FHIT: variants seen among roughly 807,000 people sequenced by gnomAD.
FHIT encodes fragile histidine triad diadenosine triphosphatase, also known as bis(5'-adenosyl)-triphosphatase.
FHIT carries 19 observed loss-of-function variants against 17.9 expected under a neutral mutation model. The ratio of observed to expected loss-of-function variants is 1.06; its 90% confidence interval spans 0.74 to 1.56. FHIT has a LOEUF of 1.56. Ranked by LOEUF, FHIT falls within the 40% of genes most tolerant of loss-of-function variation. FHIT has a pLI of 0.00. For synonymous variants in FHIT, 81 were observed against 69.7 expected (o/e 1.16, Z -0.81); for missense variants, 248 against 189.2 (o/e 1.31, Z -1.82).
chr3:60,724,289 A>C (rs1319383258), intron 4 of FHIT, among the ~76,000 whole-genome samples: 1 of 152,254 alleles, frequency 6.6e-6, no homozygotes, highest in Non-Finnish European at 1.5e-5. Flanking sequence ...AGGTTCCTCC[A>C]TGATGTAACA....
intron 2 of FHIT, among the ~76,000 whole-genome samples, chr3:61,149,764 C>T (rs1050671004): frequency 1.3e-5 from 2 of 152,042 alleles, no homozygotes; most frequent in African/African-American, 4.8e-5. Flanking sequence ...CCTGTAGCCT[C>T]AGCTACTCGG....
intron 5 of FHIT, among the ~76,000 whole-genome samples, chr3:60,395,956 G>A (rs976300159): frequency 6.6e-6 from 1 of 152,042 alleles, no homozygotes; most frequent in Non-Finnish European, 1.5e-5. Context: ...GTCCGGTGGT[G>A]GTAAATAATG....
intron 2 of FHIT, among the ~76,000 whole-genome samples, chr3:61,140,489 A>T (rs565073624): frequency 1.3e-5 from 2 of 152,280 alleles, no homozygotes; most frequent in South Asian, 4.1e-4. Context: ...CTTTGATCAT[A>T]ATCAAAGGGC....
At chr3:59,753,796 AC>A (rs1701051024) in intron 8 of FHIT, among the ~76,000 whole-genome samples, 1 of 152,044 alleles carries the variant, frequency 6.6e-6, no homozygotes, top group Non-Finnish European at 1.5e-5. Flanking sequence ...GGAAGTTCAT[AC>A]CCCGGTCCAA....
At chr3:59,996,822 A>G (rs1218389515) in intron 7 of FHIT, among the ~76,000 whole-genome samples, 1 of 152,134 alleles carries the variant, frequency 6.6e-6, no homozygotes, top group Non-Finnish European at 1.5e-5. Context: ...TTGAGAAGCC[A>G]TTCTATTGCT....
intron 8 of FHIT, among the ~76,000 whole-genome samples, chr3:59,826,156 C>T (rs1700969961): frequency 6.6e-6 from 1 of 152,164 alleles, no homozygotes; most frequent in Non-Finnish European, 1.5e-5. Flanking sequence ...CTCACTCTGA[C>T]ACCCAGGCCG....
At chr3:60,573,966 C>G (rs1190279901) in intron 4 of FHIT, among the ~76,000 whole-genome samples, 1 of 152,022 alleles carries the variant, frequency 6.6e-6, no homozygotes. Context: ...AGCACCACCA[C>G]ACCTGGATAA....
At chr3:59,910,559 G>A (rs967038416) in intron 8 of FHIT, among the ~76,000 whole-genome samples, 45 of 152,214 alleles carry the variant, frequency 3.0e-4, no homozygotes, top group African/African-American at 1.0e-3. Context: ...CATCTCTCAT[G>A]GCTAGGATGG....
intron 5 of FHIT, among the ~76,000 whole-genome samples, chr3:60,463,703 G>C (rs1035464048): frequency 2.0e-5 from 3 of 152,194 alleles, no homozygotes; most frequent in Non-Finnish European, 4.4e-5. Flanking sequence ...CCAGAAAATA[G>C]ACATGGTTTC....
chr3:60,800,800 T>C (rs1449271262), intron 4 of FHIT, among the ~76,000 whole-genome samples: 2 of 152,146 alleles, frequency 1.3e-5, no homozygotes, highest in Non-Finnish European at 1.5e-5. Flanking sequence ...ACCACAGAGT[T>C]ATTCCCCTTG....
At chr3:60,476,938 T>A (rs1056620689) in intron 5 of FHIT, among the ~76,000 whole-genome samples, 3 of 151,898 alleles carry the variant, frequency 2.0e-5, no homozygotes, top group Admixed American at 6.6e-5. Flanking sequence ...TTGGCTCAGG[T>A]AAAGCTCAAC....
At chr3:61,161,343 AGGTGCAT>A (rs1348903131) in intron 2 of FHIT, among the ~76,000 whole-genome samples, 3 of 152,002 alleles carry the variant, frequency 2.0e-5, no homozygotes, top group Non-Finnish European at 4.4e-5. Context: ...CTGGGACTAC[AGGTGCAT>A]GCCACCACGC....
At chr3:60,236,640 A>G (rs901011955) in intron 5 of FHIT, among the ~76,000 whole-genome samples, 2 of 152,156 alleles carry the variant, frequency 1.3e-5, no homozygotes, top group African/African-American at 2.4e-5. Flanking sequence ...GTGAATGGAT[A>G]TGTTCATGTA....
chr3:60,485,348 G>A (rs2033791931), intron 5 of FHIT, among the ~76,000 whole-genome samples: 1 of 152,114 alleles, frequency 6.6e-6, no homozygotes, highest in Admixed American at 6.6e-5. Flanking sequence ...AAAGACACAT[G>A]CACACTTATG....
At chr3:60,115,763 A>G (rs1172677307) in intron 5 of FHIT, among the ~76,000 whole-genome samples, 1 of 152,208 alleles carries the variant, frequency 6.6e-6, no homozygotes, top group African/African-American at 2.4e-5. Flanking sequence ...CATAAAATGA[A>G]AAAGTATTGA....
At chr3:60,364,758 A>G (rs1700041916) in intron 5 of FHIT, among the ~76,000 whole-genome samples, 1 of 152,170 alleles carries the variant, frequency 6.6e-6, no homozygotes, top group Non-Finnish European at 1.5e-5. Context: ...AGTACAACAG[A>G]TATCCTTTCC....
intron 2 of FHIT, among the ~76,000 whole-genome samples, chr3:61,163,510 A>G (rs886940480): frequency 3.9e-5 from 6 of 152,188 alleles, no homozygotes; most frequent in Admixed American, 6.5e-5. Context: ...TGGAAGCAGG[A>G]AAGTCTCTCT....
chr3:60,357,019 T>C (rs1164754101), intron 5 of FHIT, among the ~76,000 whole-genome samples: 1 of 152,116 alleles, frequency 6.6e-6, no homozygotes, highest in Non-Finnish European at 1.5e-5. Context: ...ACCACATTGT[T>C]GAGGAGAGCC....
intron 5 of FHIT, among the ~76,000 whole-genome samples, chr3:60,476,848 AT>A (rs4021917): frequency 0.084 from 12,312 of 146,818 alleles, 584 homozygotes; most frequent in Middle Eastern, 0.14. Flanking sequence ...CCGGGGAAGG[AT>A]TTTTTTTTTT....
Sources: allele counts gnomAD v4.1 joint callset (sites outside exome capture counted in the v4.1 genomes callset), GRCh38; gene constraint gnomAD v4.1.1; transcripts MANE v1.5; gene names NCBI Gene and HGNC (gene_info 2026-07-23, HGNC 2026-07-21).